The following MCCC2 variants were observed in gnomAD, a reference collection of about 807,000 sequenced individuals.
MCCC2 encodes the protein methylcrotonoyl-CoA carboxylase beta chain, mitochondrial.
A neutral mutation model predicts 77.2 loss-of-function variants in MCCC2; 52 were observed. The observed-to-expected ratio is 0.67, with a 90% CI of 0.54 to 0.85. MCCC2 has a LOEUF of 0.85. MCCC2 is among the 40% of genes least tolerant of loss of function. The probability of loss-of-function intolerance (pLI) is 0.00; values close to 1 mark genes in which losing one functional copy is unlikely to be tolerated. For synonymous variants in MCCC2, 253 were observed against 248.4 expected (o/e 1.02, Z -0.18); for missense variants, 682 against 703.2 (o/e 0.97, Z 0.34).
intron 15 of MCCC2, among the ~76,000 whole-genome samples, chr5:71,651,707 C>G (rs1293346176): frequency 6.6e-6 from 1 of 152,150 alleles, no homozygotes; most frequent in Non-Finnish European, 1.5e-5. Flanking sequence ...TTCAGATTCA[C>G]TTTAGTACCT....
chr5:71,634,962 C>G lies in MCCC2; in HGVS notation c.823C>G (p.His275Asp). ...CTGTAGAAAGTCTGGAGTAAGTGAC[C>G]ACTGGGCTTTGGATGATCATCATGC... ...LHCRKSGVSDHWALDDHHALH... is the reference protein window; with the variant it reads ...LHCRKSGVSDDWALDDHHALH... Residue 275 changes from histidine to aspartate, a missense_variant, in exon 9 of 17, where the codon CAC becomes GAC. His to Asp is a moderately conservative substitution (Grantham distance 81). Transcript: ENST00000340941. 1 of 1,613,986 alleles carries G rather than the reference C, an allele frequency of 6.2e-7. No individual in the cohort carries two copies. The highest frequency in any genetic ancestry group is 8.5e-7 in the Non-Finnish European group (1 of 1,179,990).
At chr5:71,649,900 G>A (rs560543387) in intron 14 of MCCC2, among the ~76,000 whole-genome samples, 169 bp from the exon 15 acceptor site, 2 of 152,328 alleles carry the variant, frequency 1.3e-5, no homozygotes, top group Admixed American at 6.5e-5. Flanking sequence ...CTCCTCTGGA[G>A]TCTAGTCTGG....
chr5:71,626,743 G>A lies in MCCC2; in HGVS notation c.728G>A (p.Gly243Glu). ...VRKQGTIFLA[G>E]PPLVKAATGE... ...AAGCAGGGTACCATTTTCTTGGCAG[G>A]ACCCCCCTTGGTAAGAACATAAGAA... Residue 243 changes from glycine (G) to glutamate (E), a missense_variant, in exon 7 of 17, where the codon GGA becomes GAA. Physicochemically the swap from Gly to Glu is moderately conservative, Grantham distance 98 (BLOSUM62 -2). Transcript: ENST00000340941. The A allele has an allele frequency of 6.2e-7, 1 of 1,614,074 alleles. No individual in the cohort carries two copies. Among genetic ancestry groups the A allele is most frequent in the Non-Finnish European group, 8.5e-7 (1 of 1,179,986 alleles).
rs1747200022 is a variant in MCCC2 at position 71,643,859 on chromosome 5, A to ATC, written c.1113_1114insTC (p.Asn372SerfsTer67). On this transcript the variant is annotated frameshift_variant, in exon 12 of 17. Coordinates refer to ENST00000340941, the MANE Select transcript of MCCC2 (RefSeq NM_022132.5). LOFTEE classifies it high-confidence loss of function. The stretch of plus-strand genomic sequence containing the variant: ...TTGGGTACCCAGTAGGTATCGTTGG[A>ATC]AACAACGGAGTTCTCTTTTCTGAAT... 6.2e-7 allele frequency: 1 copy of ATC among 1,614,066 alleles called. No individual in the cohort carries two copies. The highest frequency in any genetic ancestry group is 8.5e-7 in the Non-Finnish European group (1 of 1,180,022).
rs142157393 is a variant in MCCC2, at chr5:71,627,069, A to C, written c.738+316A>C. ...TGAATTTGACTATTCTAGGTATCTC[A>C]CATGTCAGTGGAATCATATAATATC... On this transcript the variant is annotated intron_variant, in intron 7 of 16. Coordinates refer to ENST00000340941, the MANE Select transcript of MCCC2 (RefSeq NM_022132.5). 4.4e-4 allele frequency among the ~76,000 whole-genome samples: 67 copies of C among 152,214 alleles called. No individual in the cohort carries two copies. The South Asian group carries it at 4.6e-3, about 10-fold the overall frequency.
chr5:71,632,506 A>AT (rs1475937743), intron 8 of MCCC2, among the ~76,000 whole-genome samples: 1 of 152,182 alleles, frequency 6.6e-6, no homozygotes, highest in Admixed American at 6.5e-5. Flanking sequence ...AGGACCTTAT[A>AT]TTCTAGTCAG....
chr5:71,614,471 T>C (rs1051127183), intron 6 of MCCC2, among the ~76,000 whole-genome samples: 10 of 130,754 alleles, frequency 7.6e-5, no homozygotes, highest in African/African-American at 2.8e-4. Flanking sequence ...TGAGACCCCA[T>C]CTCTCTCTCT....
intron 7 of MCCC2, 45 bp from the exon 8 acceptor site, chr5:71,632,076 T>A (rs1362805654): frequency 9.6e-6 from 15 of 1,567,110 alleles, no homozygotes; most frequent in Non-Finnish European, 1.3e-5. Flanking sequence ...CATTTTTATA[T>A]GTCTGATGGA....
intron 10 of MCCC2, 23 bp downstream of exon 10, chr5:71,635,269 G>C: frequency 6.3e-7 from 1 of 1,597,316 alleles, no homozygotes; most frequent in Non-Finnish European, 8.6e-7. Flanking sequence ...GGAACTGTGA[G>C]CTTTATGACC....
chr5:71,637,782 G>A (rs867438502), intron 10 of MCCC2, among the ~76,000 whole-genome samples: 3 of 151,880 alleles, frequency 2.0e-5, no homozygotes, highest in Non-Finnish European at 2.9e-5. Flanking sequence ...GCAGTGGCGC[G>A]ATCTCAGCTC....
intron 13 of MCCC2, among the ~76,000 whole-genome samples, chr5:71,648,603 T>G (rs1388903685): frequency 1.3e-5 from 2 of 152,196 alleles, no homozygotes; most frequent in Non-Finnish European, 2.9e-5. Flanking sequence ...TCACAGCACT[T>G]TGTCCTTAAC....
At position 71,649,109 on chromosome 5, in the gene MCCC2, G is replaced by A. The variant is rs771440617; in HGVS notation, c.1229G>A (p.Gly410Asp). The A allele has an allele frequency of 1.9e-6, 3 of 1,614,120 alleles. No homozygotes were observed. Among genetic ancestry groups the A allele is most frequent in the African/African-American group, 1.3e-5 (1 of 74,948 alleles). ...FLQNITGFMV[G>D]REYEAEGIAK... Reference sequence around the variant, plus strand: ...ATCTTTCTCTCAGGATTTATGGTTGGTAGAGAGTATGAAGCTGAAGGAATT... The same window carrying A: ...ATCTTTCTCTCAGGATTTATGGTTGATAGAGAGTATGAAGCTGAAGGAATT... Residue 410 changes from glycine (G) to aspartate (D), a missense_variant, in exon 14 of 17, where the codon GGT becomes GAT. Gly to Asp is a moderately conservative substitution (Grantham distance 94, BLOSUM62 -1). Transcript: ENST00000340941.
intron 16 of MCCC2, among the ~76,000 whole-genome samples, chr5:71,655,461 A>C (rs1412347296): frequency 6.6e-6 from 1 of 152,160 alleles, no homozygotes; most frequent in Non-Finnish European, 1.5e-5. Flanking sequence ...AGTGCCTCTT[A>C]CCTGGGGCAG....
chr5:71,645,683 T>C (rs888912113), intron 12 of MCCC2, among the ~76,000 whole-genome samples: 1 of 152,206 alleles, frequency 6.6e-6, no homozygotes, highest in African/African-American at 2.4e-5. Context: ...TTCGCATCAG[T>C]TCTTTCTTTT....
intron 1 of MCCC2, among the ~76,000 whole-genome samples, chr5:71,589,654 TTTCCTGA>T (rs758395803): frequency 1.3e-5 from 2 of 152,256 alleles, no homozygotes; most frequent in African/African-American, 4.8e-5. Context: ...TTTAGCTGTG[TTTCCTGA>T]TTACAAATAA....
chr5:71,642,934 T>TCCAGACCAGCCTGGCAACA (rs1747167012), intron 11 of MCCC2, among the ~76,000 whole-genome samples: 1 of 151,714 alleles, frequency 6.6e-6, no homozygotes, highest in Non-Finnish European at 1.5e-5. Context: ...GCCCGGGAGG[T>TCCAGACCAGCCTGGCAACA]TGAGGCTGCA....
intron 10 of MCCC2, among the ~76,000 whole-genome samples, chr5:71,637,768 G>A (rs748567188): frequency 1.2e-4 from 18 of 152,048 alleles, no homozygotes; most frequent in Non-Finnish European, 2.4e-4. Flanking sequence ...ACCCAGGCTG[G>A]AGTGCAGTGG....
chr5:71,610,339 G>A (rs1029800940), intron 6 of MCCC2, among the ~76,000 whole-genome samples: 7 of 152,058 alleles, frequency 4.6e-5, no homozygotes, highest in Non-Finnish European at 7.4e-5. Context: ...TTCCAGGTGC[G>A]TCCGTCACCC....
chr5:71,620,702 TTACC>T (rs1455481333), intron 6 of MCCC2, among the ~76,000 whole-genome samples: 5 of 152,206 alleles, frequency 3.3e-5, no homozygotes, highest in African/African-American at 1.2e-4. Flanking sequence ...TTCTGGATGA[TTACC>T]TCTGTTTTGT....
Sources: gnomAD v4.1 joint callset for allele counts (sites outside exome capture counted in the v4.1 genomes callset) on GRCh38, gnomAD v4.1.1 for gene constraint, MANE v1.5 for transcripts, NCBI Gene and HGNC (gene_info 2026-07-23, HGNC 2026-07-21) for gene names.